PTPRK: variants seen among roughly 807,000 people sequenced by gnomAD.
The protein encoded by PTPRK is receptor-type tyrosine-protein phosphatase kappa.
PTPRK carries 75 observed loss-of-function variants against 178.0 expected under a neutral mutation model. The observed-to-expected ratio is 0.42, with a 90% CI of 0.35 to 0.51. The LOEUF is 0.51. Among genes scored for constraint, PTPRK ranks in the 20% least tolerant of loss-of-function variants. PTPRK has a pLI of 0.02. For missense variants in PTPRK, 1,441 were observed against 1,797.8 expected, an observed-to-expected ratio of 0.80 and a Z score of 3.59; for synonymous variants, 637 against 620.6, an observed-to-expected ratio of 1.03 and a Z score of -0.39.
At chr6:128,457,555 G>T (rs796635229) in intron 1 of PTPRK, among the ~76,000 whole-genome samples, 24 of 152,136 alleles carry the variant, frequency 1.6e-4, no homozygotes, top group African/African-American at 5.5e-4. Context: ...ATAAATTTTT[G>T]CCAGGTCCTA....
At chr6:128,078,216 A>G (rs1215535732) in intron 11 of PTPRK, among the ~76,000 whole-genome samples, 1 of 152,034 alleles carries the variant, frequency 6.6e-6, no homozygotes, top group African/African-American at 2.4e-5. Flanking sequence ...GGTTCAGTGC[A>G]TGAATATCTC....
At chr6:128,140,303 C>T (rs1368699657) in intron 7 of PTPRK, among the ~76,000 whole-genome samples, 1 of 152,004 alleles carries the variant, frequency 6.6e-6, no homozygotes, top group African/African-American at 2.4e-5. Flanking sequence ...AGAATTTGTA[C>T]AAGTGGCCTT....
At chr6:128,457,734 G>C (rs1158546682) in intron 1 of PTPRK, among the ~76,000 whole-genome samples, 2 of 151,918 alleles carry the variant, frequency 1.3e-5, no homozygotes. Flanking sequence ...AAAATGACAA[G>C]AGTTTGTTTA....
intron 3 of PTPRK, among the ~76,000 whole-genome samples, chr6:128,319,050 G>C (rs1828428528): frequency 6.6e-6 from 1 of 152,140 alleles, no homozygotes; most frequent in African/African-American, 2.4e-5. Context: ...TTATATGTTA[G>C]TGGATCACTG....
rs116363289 is a variant in PTPRK, at chr6:128,097,051, C to T, written c.1163-7059G>A. On this transcript the variant is annotated intron_variant, in intron 7 of 29. Coordinates refer to ENST00000368226, the MANE Select transcript of PTPRK (RefSeq NM_002844.4). ...TCACTTCTTTTCAATGTTACAGCATCATTAGTCTTGCCAAAAAGATTTCAT... is the reference window on the plus strand; with the variant it reads ...TCACTTCTTTTCAATGTTACAGCATTATTAGTCTTGCCAAAAAGATTTCAT... Among the ~76,000 whole-genome samples the T allele has an allele frequency of 5.5e-3, 835 of 152,184 alleles. 10 individuals are homozygous for T. The highest frequency in any genetic ancestry group is 0.019 in the African/African-American group (784 of 41,522).
chr6:128,356,855 T>C (rs976003465), intron 2 of PTPRK, among the ~76,000 whole-genome samples: 1 of 152,226 alleles, frequency 6.6e-6, no homozygotes, highest in Non-Finnish European at 1.5e-5. Flanking sequence ...AGAGTTGAAA[T>C]TGTAAGCCAT....
chr6:128,297,995 G>A (rs542280704), intron 3 of PTPRK, among the ~76,000 whole-genome samples: 1 of 152,060 alleles, frequency 6.6e-6, no homozygotes, highest in East Asian at 1.9e-4. Flanking sequence ...AAATAAAGAA[G>A]AAAAGAGAGA....
chr6:128,120,584 T>C (rs1792296343), intron 7 of PTPRK, among the ~76,000 whole-genome samples: 1 of 151,978 alleles, frequency 6.6e-6, no homozygotes, highest in South Asian at 2.1e-4. Context: ...ATTTTATGTA[T>C]GTATTGCTTA....
At chr6:128,095,942 T>G (rs2115041017) in intron 7 of PTPRK, among the ~76,000 whole-genome samples, 1 of 152,354 alleles carries the variant, frequency 6.6e-6, no homozygotes, top group Admixed American at 6.5e-5. Flanking sequence ...CATTACCTGG[T>G]TTTCTTTATC....
intron 13 of PTPRK, among the ~76,000 whole-genome samples, chr6:128,025,958 A>G (rs1774218716): frequency 1.3e-5 from 2 of 152,218 alleles, no homozygotes; most frequent in Admixed American, 1.3e-4. Context: ...TAACATTTAC[A>G]GCTTATTGGG....
intron 28 of PTPRK, 103 bp downstream of exon 28, chr6:127,973,561 C>T (rs1206247873): frequency 1.5e-6 from 2 of 1,347,548 alleles, no homozygotes; most frequent in African/African-American, 1.5e-5. Context: ...AAAATAACAT[C>T]TATGGGAGGT....
intron 7 of PTPRK, 33 bp from the exon 8 acceptor site, chr6:128,090,025 C>G: frequency 6.7e-7 from 1 of 1,491,778 alleles, no homozygotes; most frequent in Non-Finnish European, 9.3e-7. Context: ...AGACAGCTGT[C>G]TATTATATCA....
chr6:128,226,098 C>G (rs965156773), intron 5 of PTPRK, among the ~76,000 whole-genome samples: 2 of 152,154 alleles, frequency 1.3e-5, no homozygotes, highest in African/African-American at 2.4e-5. Flanking sequence ...GTGTAAGTGA[C>G]AGAACCATGT....
intron 7 of PTPRK, among the ~76,000 whole-genome samples, chr6:128,110,631 AT>A (rs1409381324): frequency 5.3e-5 from 8 of 152,156 alleles, no homozygotes; most frequent in South Asian, 2.1e-4. Flanking sequence ...AAAAAAAAAA[AT>A]GTCAATATAG....
chr6:127,985,685 T>C, intron 22 of PTPRK, 36 bp downstream of exon 22: 1 of 1,547,060 alleles, frequency 6.5e-7, no homozygotes, highest in Non-Finnish European at 8.8e-7. Flanking sequence ...AAAAAGCTGA[T>C]TGCATACAGT....
intron 1 of PTPRK, among the ~76,000 whole-genome samples, chr6:128,483,297 T>C (rs1852343291): frequency 6.6e-6 from 1 of 152,168 alleles, no homozygotes; most frequent in Non-Finnish European, 1.5e-5. Context: ...AATTCAATAA[T>C]ACAATTCTGA....
intron 1 of PTPRK, among the ~76,000 whole-genome samples, chr6:128,433,057 G>A (rs552168302): frequency 1.3e-5 from 2 of 152,126 alleles, no homozygotes; most frequent in South Asian, 4.1e-4. Context: ...TATACAATAT[G>A]TATTGATCAA....
chr6:128,294,372 T>A (rs1339935407), intron 3 of PTPRK, among the ~76,000 whole-genome samples: 2 of 151,832 alleles, frequency 1.3e-5, no homozygotes, highest in Non-Finnish European at 1.5e-5. Flanking sequence ...CATAAAGGAG[T>A]CCTTCTTTTT....
rs73772024 is a variant in PTPRK at position 128,295,171 on chromosome 6, T to C, written c.495+26868A>G. Among the ~76,000 whole-genome samples the C allele has an allele frequency of 6.8e-3, 1,029 of 152,260 alleles. 8 individuals carry two copies. The highest frequency in any genetic ancestry group is 0.024 in the African/African-American group (995 of 41,558). On this transcript the variant is annotated intron_variant, in intron 3 of 29. Coordinates refer to ENST00000368226, the MANE Select transcript of PTPRK (RefSeq NM_002844.4). ...TGTCAACATATGAATACTTTCAAACTATTGTCCTTCAACTTTAAAATAATT... is the reference window on the plus strand; with the variant it reads ...TGTCAACATATGAATACTTTCAAACCATTGTCCTTCAACTTTAAAATAATT...
Sources: gnomAD v4.1 joint callset for allele counts (sites outside exome capture counted in the v4.1 genomes callset) on GRCh38, gnomAD v4.1.1 for gene constraint, MANE v1.5 for transcripts, NCBI Gene and HGNC (gene_info 2026-07-23, HGNC 2026-07-21) for gene names.